USH2A: variants seen among roughly 807,000 people sequenced by gnomAD.
The protein encoded by USH2A is usherin.
Under a neutral mutation model 538.9 loss-of-function variants are expected in USH2A, and 443 were observed. The ratio of observed to expected loss-of-function variants is 0.82; its 90% CI spans 0.76 to 0.89. The LOEUF (loss-of-function observed/expected upper bound fraction) is 0.89. Ranked by LOEUF, USH2A falls within the 40% of genes least tolerant of loss-of-function variation. USH2A has a pLI of 0.00. For missense variants in USH2A, 6,633 were observed against 6,324.8 expected (o/e 1.05, Z -1.65); for synonymous variants, 2,413 against 2,273.5 (o/e 1.06, Z -1.75).
chr1:215,772,097 C>G (rs183859677), intron 55 of USH2A, among the ~76,000 whole-genome samples: 12 of 152,124 alleles, frequency 7.9e-5, no homozygotes, highest in Admixed American at 7.9e-4. Flanking sequence ...CACATTTCAA[C>G]TGGAATTTGC....
At chr1:215,951,684 A>G (rs1252964364) in intron 37 of USH2A, among the ~76,000 whole-genome samples, 1 of 151,918 alleles carries the variant, frequency 6.6e-6, no homozygotes, top group Non-Finnish European at 1.5e-5. Context: ...ATTGTGTGGG[A>G]GTCTAAGTCT....
intron 40 of USH2A, among the ~76,000 whole-genome samples, chr1:215,894,853 C>T (rs1382619271): frequency 5.9e-5 from 9 of 152,206 alleles, no homozygotes; most frequent in African/African-American, 2.2e-4. Flanking sequence ...TGCTCTCTTA[C>T]AGCAATTGCT....
Position 216,201,872 on chromosome 1 carries a change from T to C in USH2A, c.3317-1751A>G, listed in dbSNP as rs76135275. The C allele has an allele frequency of 7.5e-3, 1,234 of 164,594 alleles. 19 individuals are homozygous for C. Among genetic ancestry groups the C allele is most frequent in the African/African-American group, 0.027 (1,119 of 41,598 alleles). The allele number at this position is 164,594 out of a possible 1,614,324, so 10.2% of individuals were successfully genotyped here. A position where few individuals can be genotyped will look rare whatever the true frequency, so the allele number is the denominator to read the frequency against. Reference sequence around the variant, plus strand: ...CAGAAAACTCTAAAGAATATAGGAATAGAAGAGACAGGGGAAAGTCACCAT... The same window carrying C: ...CAGAAAACTCTAAAGAATATAGGAACAGAAGAGACAGGGGAAAGTCACCAT... On this transcript the variant is annotated intron_variant, in intron 16 of 71. Coordinates refer to ENST00000307340, the MANE Select transcript of USH2A (RefSeq NM_206933.4).
chr1:216,288,792 A>C (rs531223485), intron 11 of USH2A, among the ~76,000 whole-genome samples: 2 of 152,276 alleles, frequency 1.3e-5, no homozygotes, highest in South Asian at 2.1e-4. Flanking sequence ...TGATGTAAGT[A>C]AACAGAAAGT....
At chr1:215,671,363 A>C in intron 63 of USH2A, 70 bp from the exon 64 acceptor site, 3 of 1,463,108 alleles carry the variant, frequency 2.1e-6, no homozygotes, top group Non-Finnish European at 1.9e-6. Flanking sequence ...TCTTTAAAAC[A>C]CCAGGCCTTA....
At chr1:215,924,301 G>A (rs192070515) in intron 38 of USH2A, among the ~76,000 whole-genome samples, 2 of 152,022 alleles carry the variant, frequency 1.3e-5, no homozygotes, top group East Asian at 3.9e-4. Flanking sequence ...AGACTCTGGG[G>A]GGTCTATATG....
chr1:216,143,284 G>T lies in USH2A; in HGVS notation c.4627+31968C>A, dbSNP rs189259526. 3.8e-3 allele frequency among the ~76,000 whole-genome samples: 580 copies of T among 152,182 alleles called. 1 individual carries two copies. The highest frequency in any genetic ancestry group is 0.013 in the African/African-American group (560 of 41,520). On this transcript the variant is annotated intron_variant, in intron 21 of 71. Transcript: ENST00000307340. ...AGCAGTTGCTTTCTTTCTTTAAACA[G>T]CATCATACTATTGACTTTTTCTCAG...
intron 3 of USH2A, among the ~76,000 whole-genome samples, chr1:216,407,912 G>C (rs1413998444): frequency 6.7e-6 from 1 of 149,938 alleles, no homozygotes; most frequent in Admixed American, 6.6e-5. Flanking sequence ...GCATTTTCAA[G>C]ACTAGAGATT....
At chr1:216,148,924 C>T (rs2033771114) in intron 21 of USH2A, among the ~76,000 whole-genome samples, 1 of 152,102 alleles carries the variant, frequency 6.6e-6, no homozygotes, top group Non-Finnish European at 1.5e-5. Context: ...GCTTCACAGA[C>T]AGCCCCCATT....
In USH2A at chr1:215,728,209, C is replaced by T. The variant is rs541566194; in HGVS notation, c.11887G>A (p.Ala3963Thr). The T allele has an allele frequency of 9.9e-6, 16 of 1,614,168 alleles. No individual in the cohort carries two copies. Among genetic ancestry groups the T allele is most frequent in the Middle Eastern group, 1.7e-4 (1 of 6,060 alleles). Residue 3963 changes from alanine to threonine, a missense_variant, in exon 61 of 72, where the codon GCT becomes ACT. Coordinates refer to ENST00000307340, the MANE Select transcript of USH2A (RefSeq NM_206933.4). ...GGAGCTGGAAAATCTTGAGGTGGAGCTTCCAGAGTTTGTGTTAATGACCAC... is the reference window on the plus strand; with the variant it reads ...GGAGCTGGAAAATCTTGAGGTGGAGTTTCCAGAGTTTGTGTTAATGACCAC... Reference protein sequence around the residue: ...SLWSLTQTLEAPPQDFPAPWA... With the variant: ...SLWSLTQTLETPPQDFPAPWA...
chr1:216,194,546 G>A (rs148189484), intron 19 of USH2A, among the ~76,000 whole-genome samples: 1 of 152,192 alleles, frequency 6.6e-6, no homozygotes, highest in Non-Finnish European at 1.5e-5. Context: ...ACAAGAAATG[G>A]TAGGTATGCA....
At chr1:215,945,147 G>T (rs956823510) in intron 37 of USH2A, among the ~76,000 whole-genome samples, 2 of 152,072 alleles carry the variant, frequency 1.3e-5, no homozygotes, top group Non-Finnish European at 2.9e-5. Context: ...GATATGTAAA[G>T]GATCATAAGA....
chr1:215,772,614 A>T (rs1185190664), intron 55 of USH2A, among the ~76,000 whole-genome samples: 2 of 152,238 alleles, frequency 1.3e-5, no homozygotes, highest in African/African-American at 2.4e-5. Flanking sequence ...TTTGGAAAAC[A>T]AAACCCATGT....
At chr1:215,903,665 G>A (rs571314758) in intron 38 of USH2A, among the ~76,000 whole-genome samples, 3 of 152,206 alleles carry the variant, frequency 2.0e-5, no homozygotes, top group South Asian at 4.1e-4. Flanking sequence ...TGAAGATGTA[G>A]AGCAGTGAGT....
At chr1:216,072,088 T>G (rs1190318339) in intron 29 of USH2A, among the ~76,000 whole-genome samples, 1 of 152,190 alleles carries the variant, frequency 6.6e-6, no homozygotes, top group Non-Finnish European at 1.5e-5. Context: ...GAAACACGTC[T>G]TTAGACAAAT....
At chr1:216,160,600 C>T (rs1008536314) in intron 21 of USH2A, among the ~76,000 whole-genome samples, 4 of 96,656 alleles carry the variant, frequency 4.1e-5, no homozygotes, top group Non-Finnish European at 9.9e-5. Flanking sequence ...AGTAAGACCT[C>T]GTCTCTTAAA....
chr1:215,715,944 C>T (rs1030897310), intron 61 of USH2A, among the ~76,000 whole-genome samples: 6 of 152,164 alleles, frequency 3.9e-5, no homozygotes, highest in Non-Finnish European at 4.4e-5. Flanking sequence ...AATTTCTGCA[C>T]CCTTCAGGTC....
intron 61 of USH2A, among the ~76,000 whole-genome samples, chr1:215,702,913 C>A (rs1036027722): frequency 5.3e-5 from 8 of 151,990 alleles, no homozygotes; most frequent in African/African-American, 1.9e-4. Flanking sequence ...GAATTTTCAG[C>A]CTTTTTGCGC....
At position 216,018,069 on chromosome 1, in the gene USH2A, C is replaced by T. The variant is rs192083145; in HGVS notation, c.6326-17507G>A. Among the ~76,000 whole-genome samples, 58 of 152,246 alleles carry T rather than the reference C, an allele frequency of 3.8e-4. 1 individual carries two copies. Among genetic ancestry groups the T allele is most frequent in the Admixed American group, 2.0e-3 (31 of 15,290 alleles). ...AGTTTGGATTAATTTCTCTTTTGTGCTTCACTAGTGTCATTTTTACTACTA... is the reference window on the plus strand; with the variant it reads ...AGTTTGGATTAATTTCTCTTTTGTGTTTCACTAGTGTCATTTTTACTACTA... On this transcript the variant is annotated intron_variant, in intron 32 of 71. Transcript: ENST00000307340.
Sources: allele counts gnomAD v4.1 joint callset (sites outside exome capture counted in the v4.1 genomes callset), GRCh38; gene constraint gnomAD v4.1.1; transcripts MANE v1.5; gene names NCBI Gene and HGNC (gene_info 2026-07-23, HGNC 2026-07-21).